ENTREP2: variants seen among roughly 807,000 people sequenced by gnomAD.
ENTREP2 encodes endosomal transmembrane epsin interactor 2, also known as protein ENTREP2.
the ENTREP2 span, among the ~76,000 whole-genome samples, chr15:29,298,506 A>G: frequency 6.6e-6 from 1 of 152,200 alleles, no homozygotes; most frequent in Admixed American, 6.5e-5. Flanking sequence ...GGCATAGATA[A>G]CTACTATCAG....
the ENTREP2 span, among the ~76,000 whole-genome samples, chr15:29,388,559 A>G: frequency 7.9e-5 from 12 of 152,292 alleles, no homozygotes; most frequent in South Asian, 2.1e-3. Context: ...ACAGTGTGGC[A>G]ATTCCTCAGG....
the ENTREP2 span, among the ~76,000 whole-genome samples, chr15:29,465,662 A>C: frequency 6.6e-6 from 1 of 152,226 alleles, no homozygotes; most frequent in African/African-American, 2.4e-5. Flanking sequence ...TGTATGGTCC[A>C]TTATAAATAC....
At chr15:29,161,028 C>G in the ENTREP2 span, among the ~76,000 whole-genome samples, 1 of 152,258 alleles carries the variant, frequency 6.6e-6, no homozygotes, top group African/African-American at 2.4e-5. Flanking sequence ...AATGCCCACA[C>G]CATTTATTCT....
chr15:29,304,789 AG>A, the ENTREP2 span, among the ~76,000 whole-genome samples: 1 of 152,078 alleles, frequency 6.6e-6, no homozygotes, highest in African/African-American at 2.4e-5. Flanking sequence ...CTCTAGCCAC[AG>A]GGCCTCCTGG....
the ENTREP2 span, among the ~76,000 whole-genome samples, chr15:29,194,180 G>A: frequency 6.6e-6 from 1 of 152,194 alleles, no homozygotes; most frequent in Non-Finnish European, 1.5e-5. Context: ...CAACAAAATT[G>A]GACGACAGCA....
chr15:29,593,751 T>C, the ENTREP2 span, among the ~76,000 whole-genome samples: 2 of 152,220 alleles, frequency 1.3e-5, no homozygotes, highest in Admixed American at 6.5e-5. Context: ...ATAATGTATA[T>C]AGAAGGGGCA....
chr15:29,557,325 G>C, the ENTREP2 span, among the ~76,000 whole-genome samples: 1 of 152,126 alleles, frequency 6.6e-6, no homozygotes, highest in Non-Finnish European at 1.5e-5. Context: ...GAGCAGCGAC[G>C]GGGTTTTAGT....
chr15:29,137,905 C>A, the ENTREP2 span, among the ~76,000 whole-genome samples: 1 of 151,812 alleles, frequency 6.6e-6, no homozygotes, highest in Non-Finnish European at 1.5e-5. Flanking sequence ...AAACACTAGA[C>A]CCTCCCCTCG....
the ENTREP2 span, chr15:29,137,261 A>G: frequency 7.5e-7 from 1 of 1,334,840 alleles, no homozygotes. Flanking sequence ...CATTAAGCTA[A>G]TTATACGAGA....
At chr15:29,549,034 G>T in the ENTREP2 span, among the ~76,000 whole-genome samples, 1 of 152,150 alleles carries the variant, frequency 6.6e-6, no homozygotes, top group Non-Finnish European at 1.5e-5. Flanking sequence ...CCAGTTAACT[G>T]CAGGCAGCAG....
At chr15:29,582,301 A>T in the ENTREP2 span, among the ~76,000 whole-genome samples, 2 of 152,220 alleles carry the variant, frequency 1.3e-5, no homozygotes, top group Non-Finnish European at 2.9e-5. Flanking sequence ...CACTTTATAC[A>T]ACAATGTATT....
chr15:29,269,123 C>T, the ENTREP2 span: 1 of 1,614,142 alleles, frequency 6.2e-7, no homozygotes, highest in Non-Finnish European at 8.5e-7. Context: ...GCTTCAGTTT[C>T]CTTGATGGTG....
chr15:29,372,421 T>C, the ENTREP2 span, among the ~76,000 whole-genome samples: 2 of 152,336 alleles, frequency 1.3e-5, no homozygotes, highest in East Asian at 1.9e-4. Context: ...TAGTTGACTA[T>C]GTGATCAGTA....
the ENTREP2 span, among the ~76,000 whole-genome samples, chr15:29,634,049 C>T: frequency 6.6e-6 from 1 of 152,112 alleles, no homozygotes; most frequent in Non-Finnish European, 1.5e-5. Context: ...TGTTACTTTC[C>T]ACTGGCAGCC....
the ENTREP2 span, chr15:29,128,771 T>C: frequency 6.5e-7 from 1 of 1,546,344 alleles, no homozygotes; most frequent in Non-Finnish European, 8.7e-7. Context: ...CTTCAGGAGC[T>C]GAAAGAGGTA....
the ENTREP2 span, among the ~76,000 whole-genome samples, chr15:29,516,968 CAAAAA>C: frequency 2.5e-4 from 22 of 88,648 alleles, no homozygotes; most frequent in African/African-American, 9.9e-4. Context: ...AATTATGAGC[CAAAAA>C]AAAAAAAAAA....
the ENTREP2 span, among the ~76,000 whole-genome samples, chr15:29,478,001 AT>A: frequency 1.3e-5 from 1 of 76,496 alleles, no homozygotes; most frequent in Admixed American, 1.4e-4. Context: ...AACTATATAT[AT>A]ATATATATAT....
the ENTREP2 span, chr15:29,196,457 G>A: frequency 6.4e-7 from 1 of 1,551,722 alleles, no homozygotes; most frequent in Non-Finnish European, 8.7e-7. Flanking sequence ...CAGCGTTGCA[G>A]TTCTCCTGCA....
At chr15:29,504,484 T>C in the ENTREP2 span, among the ~76,000 whole-genome samples, 4 of 152,190 alleles carry the variant, frequency 2.6e-5, no homozygotes, top group Non-Finnish European at 5.9e-5. Flanking sequence ...GAGAAATTCC[T>C]CTTTGTTTAC....
Sources: allele counts gnomAD v4.1 joint callset (sites outside exome capture counted in the v4.1 genomes callset), GRCh38; gene constraint gnomAD v4.1.1; transcripts MANE v1.5; gene names NCBI Gene and HGNC (gene_info 2026-07-23, HGNC 2026-07-21).